The following NTMT2 variants were observed in gnomAD, a reference collection of about 807,000 sequenced individuals.
NTMT2 encodes the protein N-terminal Xaa-Pro-Lys N-methyltransferase 2, also known as X-Pro-Lys N-terminal protein methyltransferase 1B.
A neutral mutation model predicts 23.4 loss-of-function variants in NTMT2; 21 were observed. The ratio of observed to expected loss-of-function variants is 0.90; its 90% CI spans 0.64 to 1.29. The LOEUF is 1.29. NTMT2 is among the 50% of genes most tolerant of loss of function. NTMT2 has a pLI of 0.00. For synonymous variants in NTMT2, 131 were observed against 127.7 expected, an observed-to-expected ratio of 1.03 and a Z score of -0.17; for missense variants, 336 against 352.0, an observed-to-expected ratio of 0.95 and a Z score of 0.36.
chr1:170,158,738 T>G (rs1265708465), intron 1 of NTMT2, among the ~76,000 whole-genome samples: 1 of 152,042 alleles, frequency 6.6e-6, no homozygotes, highest in South Asian at 2.1e-4. Flanking sequence ...TTATTTCTGT[T>G]TTGCATATCT....
At chr1:170,149,550 G>C (rs10919307) in intron 1 of NTMT2, among the ~76,000 whole-genome samples, 1 of 151,874 alleles carries the variant, frequency 6.6e-6, no homozygotes. Flanking sequence ...CATGGTTCCC[G>C]GCACATAGGA....
intron 1 of NTMT2, among the ~76,000 whole-genome samples, chr1:170,156,857 G>A (rs1252391580): frequency 6.6e-6 from 1 of 152,030 alleles, no homozygotes; most frequent in Non-Finnish European, 1.5e-5. Context: ...TCTAAATGTT[G>A]CTGGCATAAT....
At chr1:170,158,329 G>T (rs1219188041) in intron 1 of NTMT2, among the ~76,000 whole-genome samples, 1 of 151,926 alleles carries the variant, frequency 6.6e-6, no homozygotes, top group African/African-American at 2.4e-5. Context: ...ATAATTTTTA[G>T]TGTAAGTATT....
At chr1:170,146,342 A>G in intron 1 of NTMT2, 81 bp downstream of exon 1, 2 of 1,330,350 alleles carry the variant, frequency 1.5e-6, no homozygotes, top group Non-Finnish European at 1.0e-6. Context: ...CTAGAAGAGA[A>G]TTTAAAACAA....
intron 1 of NTMT2, among the ~76,000 whole-genome samples, chr1:170,147,004 C>T (rs1476499213): frequency 2.0e-5 from 3 of 152,136 alleles, no homozygotes; most frequent in African/African-American, 4.8e-5. Flanking sequence ...TACCCTTCTC[C>T]CTTTGATTTG....
chr1:170,166,841 T>C, intron 3 of NTMT2, 90 bp downstream of exon 3: 1 of 1,376,536 alleles, frequency 7.3e-7, no homozygotes, highest in Non-Finnish European at 9.9e-7. Flanking sequence ...CAGGGAAGAG[T>C]TAGCTGTAGT....
rs552455535 is a variant in NTMT2, at chr1:170,162,351, G to C, written c.330+1658G>C. Among the ~76,000 whole-genome samples the C allele has an allele frequency of 4.9e-4, 74 of 152,274 alleles. 1 individual carries two copies. The South Asian group carries it at 0.015, about 30-fold the overall frequency. ...AAAACATTAATATCTCTAGTATTGAGGTGAGGTTCACTTCAAATCCAATCT... is the reference window on the plus strand; with the variant it reads ...AAAACATTAATATCTCTAGTATTGACGTGAGGTTCACTTCAAATCCAATCT... On this transcript the variant is annotated intron_variant, in intron 2 of 3. Coordinates refer to ENST00000439373, the MANE Select transcript of NTMT2 (RefSeq NM_001136107.2).
chr1:170,167,010 C>A (rs1257020326), intron 3 of NTMT2, among the ~76,000 whole-genome samples: 1 of 152,128 alleles, frequency 6.6e-6, no homozygotes, highest in Non-Finnish European at 1.5e-5. Context: ...TGCCTTTGGA[C>A]CAACCTAAAT....
At chr1:170,162,727 C>T (rs1673297189) in intron 2 of NTMT2, among the ~76,000 whole-genome samples, 1 of 152,094 alleles carries the variant, frequency 6.6e-6, no homozygotes, top group Admixed American at 6.5e-5. Context: ...AATAAGTTGT[C>T]AAGATTACAC....
intron 2 of NTMT2, among the ~76,000 whole-genome samples, chr1:170,164,031 A>C (rs914626918): frequency 2.3e-4 from 34 of 149,888 alleles, no homozygotes; most frequent in African/African-American, 8.1e-4. Context: ...CTGAGGCAGG[A>C]GAATCACTTG....
Position 170,160,541 on chromosome 1 carries a change from C to T in NTMT2, c.178C>T (p.Gln60Ter). The part of the protein sequence containing the change: ...PLVKLYALTS[Q>*]VINGEMQFYA... ...AGTGAAATTGTACGCTTTAACAAGCCAAGTCATCAATGGTGAGATGCAGTT... is the reference window on the plus strand; with the variant it reads ...AGTGAAATTGTACGCTTTAACAAGCTAAGTCATCAATGGTGAGATGCAGTT... Residue 60 changes from glutamine to a stop codon, truncating the protein, a stop_gained, in exon 2 of 4, where the codon CAA becomes TAA. Transcript: ENST00000439373. LOFTEE classifies it high-confidence loss of function. 6.5e-7 allele frequency: 1 copy of T among 1,540,548 alleles called. No individual in the cohort carries two copies. The highest frequency in any genetic ancestry group is 8.7e-7 in the Non-Finnish European group (1 of 1,143,644).
chr1:170,165,077 A>G (rs1031762740), intron 2 of NTMT2, among the ~76,000 whole-genome samples: 1 of 148,670 alleles, frequency 6.7e-6, no homozygotes, highest in Non-Finnish European at 1.5e-5. Flanking sequence ...TTTTTTTTTT[A>G]TTCTTAGTTC....
At chr1:170,159,068 A>C (rs1485580840) in intron 1 of NTMT2, among the ~76,000 whole-genome samples, 2 of 151,210 alleles carry the variant, frequency 1.3e-5, no homozygotes, top group Admixed American at 1.3e-4. Context: ...GGAATAAAAA[A>C]CAAGGTAAAT....
Position 170,167,630 on chromosome 1 carries a change from T to C in NTMT2, c.725T>C (p.Met242Thr), listed in dbSNP as rs564380369. ...TCTGACAGCAGTGTGACTCGGGACA[T>C]GGACATCCTCCGGAGCCTAATAAGG... The part of the protein sequence containing the change: ...DLSDSSVTRD[M>T]DILRSLIRKS... The change falls in exon 4 of 4, where the codon ATG becomes ACG. Residue 242 changes from methionine (M) to threonine (T), a missense_variant. Physicochemically the swap from Met to Thr is moderately conservative, Grantham distance 81. Transcript: ENST00000439373. 34 of 1,551,666 alleles carry C rather than the reference T, an allele frequency of 2.2e-5. No individual in the cohort carries two copies. In the South Asian group the frequency reaches 3.5e-4, roughly 16 times the overall value.
intron 1 of NTMT2, among the ~76,000 whole-genome samples, chr1:170,147,695 T>C (rs975428871): frequency 6.6e-6 from 1 of 152,164 alleles, no homozygotes. Context: ...GAGAAAGATA[T>C]CAATTACAAC....
chr1:170,167,566 A>C lies in NTMT2; in HGVS notation c.661A>C (p.Lys221Gln). The C allele has an allele frequency of 1.9e-6, 3 of 1,551,634 alleles. No homozygotes were observed. The highest frequency in any genetic ancestry group is 2.6e-6 in the Non-Finnish European group (3 of 1,146,984). The change falls in exon 4 of 4, where the codon AAG (lysine) becomes CAG (glutamine). Residue 221 changes from lysine (K) to glutamine (Q), a missense_variant. Lys to Gln is a moderately conservative substitution (Grantham distance 53). Transcript: ENST00000439373. ...GAAAGAAAATGGCATCATCATATTG[A>C]AGGACAATGTGGCCCGGGAGGGCTG... is the stretch of plus-strand genomic sequence containing the variant. Reference protein sequence around the residue: ...GLKENGIIILKDNVAREGCIL... With the variant: ...GLKENGIIILQDNVAREGCIL...
At chr1:170,154,369 G>A (rs559738639) in intron 1 of NTMT2, among the ~76,000 whole-genome samples, 2 of 152,152 alleles carry the variant, frequency 1.3e-5, no homozygotes, top group South Asian at 2.1e-4. Context: ...GGGGTCAACT[G>A]CCTCCAGACC....
rs1571825698 is a variant in NTMT2 at position 170,162,578 on chromosome 1, G to A, written c.330+1885G>A. Among the ~76,000 whole-genome samples, 3 of 152,362 alleles carry A rather than the reference G, an allele frequency of 2.0e-5. No homozygotes were observed. The Middle Eastern group carries it at 0.01, about 518-fold the overall frequency. On this transcript the variant is annotated intron_variant, in intron 2 of 3. Coordinates refer to ENST00000439373, the MANE Select transcript of NTMT2 (RefSeq NM_001136107.2). ...ATCAGTGCTGCTGACTGGTTTCACT[G>A]AATGCTGGTTCTGAGAGAGTCAATC...
rs57166192 is a variant in NTMT2, at chr1:170,168,240, C to CAA, written c.*496_*497dup. ...CAGATAAAGCATTTGTCTACTCAAA[C>CAA]AAAAAAAAAAAAAAGAAAAAGAAAC... On this transcript the variant is annotated 3_prime_UTR_variant, in exon 4 of 4. Transcript: ENST00000439373. Among the ~76,000 whole-genome samples the CAA allele has an allele frequency of 0.32, 36,909 of 116,502 alleles. 5,516 individuals carry two copies. The highest frequency in any genetic ancestry group is 0.47 in the African/African-American group (15,868 of 33,720). The allele number at this position is 116,502 out of a possible 152,430, so 76.4% of individuals were successfully genotyped here.
Sources: allele counts gnomAD v4.1 joint callset (sites outside exome capture counted in the v4.1 genomes callset), GRCh38; gene constraint gnomAD v4.1.1; transcripts MANE v1.5; gene names NCBI Gene and HGNC (gene_info 2026-07-23, HGNC 2026-07-21).